DCC: variants seen among roughly 807,000 people sequenced by gnomAD.
The protein encoded by DCC is DCC netrin 1 receptor.
A neutral mutation model predicts 172.5 loss-of-function variants in DCC; 58 were observed. That is an observed-to-expected ratio of 0.34 (90% CI 0.27 to 0.42). The LOEUF (loss-of-function observed/expected upper bound fraction) is 0.42. Ranked by LOEUF, DCC falls within the 10% of genes least tolerant of loss-of-function variation. The probability of loss-of-function intolerance (pLI) is 1.00; values close to 1 mark genes in which losing one functional copy is unlikely to be tolerated. For missense variants in DCC, 1,740 were observed against 1,791.0 expected (o/e 0.97, Z 0.51); for synonymous variants, 709 against 644.5 (o/e 1.10, Z -1.52).
chr18:52,505,753 A>G (rs778993931), intron 1 of DCC, among the ~76,000 whole-genome samples: 2 of 152,154 alleles, frequency 1.3e-5, no homozygotes, highest in African/African-American at 2.4e-5. Flanking sequence ...GGAGGGGTTT[A>G]CTTGAAAATT....
At chr18:52,985,512 T>C (rs1303713223) in intron 5 of DCC, among the ~76,000 whole-genome samples, 1 of 152,178 alleles carries the variant, frequency 6.6e-6, no homozygotes, top group African/African-American at 2.4e-5. Flanking sequence ...TAGGAATCTT[T>C]GGAGACCTGA....
At chr18:52,954,240 T>C (rs1444883615) in intron 5 of DCC, among the ~76,000 whole-genome samples, 2 of 152,128 alleles carry the variant, frequency 1.3e-5, no homozygotes, top group Non-Finnish European at 2.9e-5. Flanking sequence ...GCCTAGAAAA[T>C]ATTAACTGAT....
intron 14 of DCC, among the ~76,000 whole-genome samples, chr18:53,337,058 C>T (rs1249186030): frequency 2.6e-5 from 4 of 152,202 alleles, no homozygotes; most frequent in African/African-American, 7.2e-5. Flanking sequence ...TTGGTGTACA[C>T]ATTACAATGA....
At chr18:53,348,359 A>T (rs1318065736) in intron 15 of DCC, among the ~76,000 whole-genome samples, 1 of 152,200 alleles carries the variant, frequency 6.6e-6, no homozygotes, top group East Asian at 1.9e-4. Flanking sequence ...GGTCACACTG[A>T]TGCAAGACGT....
At chr18:53,428,731 T>TATTATATACTATATATTTTATATATAA (rs1911317555) in intron 21 of DCC, among the ~76,000 whole-genome samples, 1 of 34,656 alleles carries the variant, frequency 2.9e-5, no homozygotes, top group African/African-American at 7.3e-5. Context: ...ATATATATTA[T>TATTATATACTATATATTTTATATATAA]ATTATATACT....
intron 1 of DCC, among the ~76,000 whole-genome samples, chr18:52,741,468 T>C (rs925253594): frequency 1.3e-5 from 2 of 152,160 alleles, no homozygotes; most frequent in Non-Finnish European, 2.9e-5. Context: ...CATTGTAGGA[T>C]GTGCTACGTC....
intron 22 of DCC, among the ~76,000 whole-genome samples, chr18:53,447,083 CAA>C (rs1599160781): frequency 6.6e-6 from 1 of 152,234 alleles, no homozygotes; most frequent in Admixed American, 6.5e-5. Context: ...ACACAAAAAA[CAA>C]AGTGTATATT....
Position 53,065,066 on chromosome 18 carries a change from C to T in DCC, c.1141-980C>T, listed in dbSNP as rs573769775. On this transcript the variant is annotated intron_variant, in intron 6 of 28. Transcript: ENST00000442544. The stretch of plus-strand genomic sequence containing the variant: ...TAAATTGTGCTTAAAAATATTTCCT[C>T]AACAGCTCCAGAAATTTGAGAGCCA... Among the ~76,000 whole-genome samples, 4 of 152,082 alleles carry T rather than the reference C, an allele frequency of 2.6e-5. No homozygotes were observed. In the South Asian group the frequency reaches 8.3e-4, roughly 32 times the overall value.
intron 1 of DCC, among the ~76,000 whole-genome samples, chr18:52,622,684 C>A (rs2034501610): frequency 6.6e-6 from 1 of 152,028 alleles, no homozygotes; most frequent in Non-Finnish European, 1.5e-5. Flanking sequence ...ATGCTCACGC[C>A]ACTTATCCAG....
intron 2 of DCC, among the ~76,000 whole-genome samples, chr18:52,827,669 G>C (rs1428384176): frequency 6.6e-6 from 1 of 152,178 alleles, no homozygotes; most frequent in Non-Finnish European, 1.5e-5. Context: ...CCACACAATA[G>C]CTCTTCTACT....
intron 1 of DCC, among the ~76,000 whole-genome samples, chr18:52,578,573 T>C (rs1295819846): frequency 2.6e-5 from 4 of 152,378 alleles, no homozygotes; most frequent in Middle Eastern, 3.4e-3. Flanking sequence ...TGTTTTGTTT[T>C]CTTTTTAGCA....
Position 53,088,378 on chromosome 18 carries a change from G to A in DCC, c.1261+22212G>A, listed in dbSNP as rs1182854148. On this transcript the variant is annotated intron_variant, in intron 7 of 28. Coordinates refer to ENST00000442544, the MANE Select transcript of DCC (RefSeq NM_005215.4). ...CCCTTTGAAGCAATTGTGAATGGGAGTTCACTCATGATTTGGCTCTCTGTT... is the reference window on the plus strand; with the variant it reads ...CCCTTTGAAGCAATTGTGAATGGGAATTCACTCATGATTTGGCTCTCTGTT... Among the ~76,000 whole-genome samples, 7 of 152,156 alleles carry A rather than the reference G, an allele frequency of 4.6e-5. No homozygotes were observed. The East Asian group carries it at 1.2e-3, about 25-fold the overall frequency.
chr18:53,225,868 T>G (rs967392240), intron 12 of DCC, among the ~76,000 whole-genome samples: 3 of 152,038 alleles, frequency 2.0e-5, no homozygotes, highest in African/African-American at 7.2e-5. Flanking sequence ...CAGTTTGATG[T>G]TTTTCCAGGG....
intron 13 of DCC, among the ~76,000 whole-genome samples, chr18:53,315,734 A>G (rs1487205654): frequency 6.6e-6 from 1 of 150,900 alleles, no homozygotes; most frequent in East Asian, 1.9e-4. Context: ...TTTTTTTCAT[A>G]TATTTTTTGG....
At chr18:52,589,958 C>T (rs916233003) in intron 1 of DCC, among the ~76,000 whole-genome samples, 2 of 152,100 alleles carry the variant, frequency 1.3e-5, no homozygotes, top group East Asian at 3.9e-4. Context: ...GATTTGATTT[C>T]AAGTTTACAT....
intron 9 of DCC, among the ~76,000 whole-genome samples, chr18:53,184,205 C>T (rs1359128365): frequency 6.6e-6 from 1 of 151,964 alleles, no homozygotes; most frequent in African/African-American, 2.4e-5. Context: ...CTACTTTCTC[C>T]CTAATTAACC....
chr18:52,554,859 T>C (rs1228704059), intron 1 of DCC, among the ~76,000 whole-genome samples: 1 of 152,128 alleles, frequency 6.6e-6, no homozygotes, highest in Non-Finnish European at 1.5e-5. Flanking sequence ...GGACATAGTT[T>C]CTGCTCTTAA....
At chr18:53,251,748 A>T (rs1030654004) in intron 12 of DCC, among the ~76,000 whole-genome samples, 1 of 151,976 alleles carries the variant, frequency 6.6e-6, no homozygotes, top group African/African-American at 2.4e-5. Context: ...ATAGATGCTG[A>T]ATATCATTAG....
chr18:53,345,166 TTCTG>T (rs1395797984), intron 15 of DCC, among the ~76,000 whole-genome samples: 1 of 151,786 alleles, frequency 6.6e-6, no homozygotes, highest in East Asian at 1.9e-4. Flanking sequence ...TGTTATAAAA[TTCTG>T]TCTTTTTTAA....
Sources: gnomAD v4.1 joint callset for allele counts (sites outside exome capture counted in the v4.1 genomes callset) on GRCh38, gnomAD v4.1.1 for gene constraint, MANE v1.5 for transcripts, NCBI Gene and HGNC (gene_info 2026-07-23, HGNC 2026-07-21) for gene names.